Variants in SEC23B observed in about 807,000 individuals in gnomAD.
SEC23B encodes protein transport protein Sec23B.
Under a neutral mutation model 104.3 loss-of-function variants are expected in SEC23B, and 77 were observed. The ratio of observed to expected loss-of-function variants is 0.74; its 90% CI spans 0.61 to 0.89. The LOEUF (loss-of-function observed/expected upper bound fraction) is 0.89. Ranked by LOEUF, SEC23B falls within the 40% of genes least tolerant of loss-of-function variation. The probability of loss-of-function intolerance (pLI) is 0.00; values close to 1 mark genes in which losing one functional copy is unlikely to be tolerated. For missense variants in SEC23B, 885 were observed against 949.4 expected (o/e 0.93, Z 0.89); for synonymous variants, 338 against 332.5 (o/e 1.02, Z -0.18).
intron 13 of SEC23B, 54 bp downstream of exon 13, chr20:18,542,456 G>C: frequency 1.4e-6 from 2 of 1,425,188 alleles, no homozygotes; most frequent in Non-Finnish European, 2.0e-6. Context: ...TTTTTCCCTT[G>C]AAGAGATACT....
intron 3 of SEC23B, among the ~76,000 whole-genome samples, chr20:18,513,324 G>A (rs1330205500): frequency 6.6e-6 from 1 of 151,526 alleles, no homozygotes; most frequent in South Asian, 2.1e-4. Context: ...CTTCAGCCTG[G>A]CAACACAGCA....
At chr20:18,552,164 G>A (rs1429960393) in intron 17 of SEC23B, among the ~76,000 whole-genome samples, 1 of 152,206 alleles carries the variant, frequency 6.6e-6, no homozygotes, top group East Asian at 1.9e-4. Flanking sequence ...TATTGATTTG[G>A]TTTCCTAATG....
At chr20:18,529,656 T>C (rs1385203335) in intron 9 of SEC23B, among the ~76,000 whole-genome samples, 2 of 152,168 alleles carry the variant, frequency 1.3e-5, no homozygotes, top group Non-Finnish European at 2.9e-5. Flanking sequence ...CAGAGAAGGA[T>C]TGCTCTTCCT....
Position 18,532,738 on chromosome 20 carries a change from A to G in SEC23B, c.1308A>G (p.Ser436=). ...TGAATGTGAAAGGACCGTGTGTGTC[A>G]GAAAATGTAAGGAAAACAACTCCAT... is the stretch of plus-strand genomic sequence containing the variant. ...VSLNVKGPCV[S]ENELGVGGTS... The change falls in exon 11 of 20, where the codon TCA becomes TCG. Residue 436 remains serine, a synonymous_variant. Coordinates refer to ENST00000650089, the MANE Select transcript of SEC23B (RefSeq NM_006363.6). 4.3e-6 allele frequency: 7 copies of G among 1,612,312 alleles called. No homozygotes were observed. Among genetic ancestry groups the G allele is most frequent in the Non-Finnish European group, 5.9e-6 (7 of 1,178,242 alleles).
At position 18,548,693 on chromosome 20, in the gene SEC23B, GC is replaced by G; in HGVS notation, c.1831del (p.Arg611GlyfsTer4). On this transcript the variant is annotated frameshift_variant, in exon 16 of 20. Coordinates refer to ENST00000650089, the MANE Select transcript of SEC23B (RefSeq NM_006363.6). LOFTEE classifies it high-confidence loss of function. The stretch of plus-strand genomic sequence containing the variant: ...GTCGTCATATTACAGACATCATTTT[GC>G]CCGGCAGGACCTGACCCAGTCCCTC... ...DESSYYRHHF[A>X]RQDLTQSLIM... The G allele has an allele frequency of 4.3e-6, 7 of 1,614,080 alleles. No homozygotes were observed. The highest frequency in any genetic ancestry group is 5.9e-6 in the Non-Finnish European group (7 of 1,180,012).
chr20:18,557,745 C>CTTTTTTTTTTTT (rs11477198), intron 19 of SEC23B, among the ~76,000 whole-genome samples: 138 of 116,796 alleles, frequency 1.2e-3, no homozygotes, highest in East Asian at 1.5e-3. Flanking sequence ...TTTTTCTTTT[C>CTTTTTTTTTTTT]TTTTTTTTTT....
chr20:18,548,592 G>A lies in SEC23B; in HGVS notation c.1744-17G>A, dbSNP rs533554185. 1.6e-4 allele frequency: 251 copies of A among 1,612,220 alleles called. 3 individuals are homozygous for A. In the South Asian group the frequency reaches 2.4e-3, roughly 16 times the overall value. Reference sequence around the variant, plus strand: ...TACAATTATATGCATTTCTCTTTCCGTTCTTTGTGAATGCAGTTTATGTTC... The same window carrying A: ...TACAATTATATGCATTTCTCTTTCCATTCTTTGTGAATGCAGTTTATGTTC... On this transcript the variant is annotated splice_polypyrimidine_tract_variant and intron_variant, in intron 15 of 19. Coordinates refer to ENST00000650089, the MANE Select transcript of SEC23B (RefSeq NM_006363.6).
chr20:18,550,184 G>A, intron 16 of SEC23B, among the ~76,000 whole-genome samples: 1 of 144,516 alleles, frequency 6.9e-6, no homozygotes. Flanking sequence ...TTTGAGATGG[G>A]GTGTCTGTCA....
In SEC23B at chr20:18,510,911, TCCAGCCGGCTGGAGG is replaced by T; in HGVS notation, c.78_92del (p.Ser27_Ala31del). On this transcript the variant is annotated inframe_deletion, in exon 2 of 20. Transcript: ENST00000650089. ...GCGTTTTAGTTGGAACGTGTGGCCT[TCCAGCCGGCTGGAGG>T]CTACAAGAATGGTTGTACCCCTGGC... is the stretch of plus-strand genomic sequence containing the variant. 1 of 1,614,162 alleles carries T rather than the reference TCCAGCCGGCTGGAGG, an allele frequency of 6.2e-7. No individual in the cohort carries two copies.
At chr20:18,557,059 C>T (rs531598872) in intron 19 of SEC23B, among the ~76,000 whole-genome samples, 8 of 152,308 alleles carry the variant, frequency 5.3e-5, no homozygotes, top group Admixed American at 5.2e-4. Context: ...TTTTAATGCA[C>T]TCTGCTGAGC....
At position 18,561,030 on chromosome 20, in the gene SEC23B, G is replaced by T. The variant is rs2060487506; in HGVS notation, c.*290G>T. ...CAGAGGTAATGTATTTTGGCAGCTT[G>T]TTTAGGTGAGAATCTTAATGATCAT... On this transcript the variant is annotated 3_prime_UTR_variant, in exon 20 of 20. Transcript: ENST00000650089. 1 of 389,024 alleles carries T rather than the reference G, an allele frequency of 2.6e-6. No individual in the cohort carries two copies. Among genetic ancestry groups the T allele is most frequent in the African/African-American group, 2.1e-5 (1 of 48,092 alleles). The allele number at this position is 389,024 out of a possible 1,614,324, so 24.1% of individuals were successfully genotyped here.
intron 4 of SEC23B, among the ~76,000 whole-genome samples, chr20:18,518,762 G>A (rs555210490): frequency 5.3e-5 from 8 of 152,170 alleles, no homozygotes; most frequent in South Asian, 2.1e-4. Context: ...CAGCAGAAGC[G>A]TTGCCCTGGG....
intron 4 of SEC23B, among the ~76,000 whole-genome samples, chr20:18,519,280 G>A (rs1244861399): frequency 6.6e-6 from 1 of 152,258 alleles, no homozygotes; most frequent in East Asian, 1.9e-4. Flanking sequence ...ATTGAAGTGC[G>A]GGCCAGGAAC....
intron 4 of SEC23B, among the ~76,000 whole-genome samples, chr20:18,521,159 G>A (rs1004577277): frequency 1.3e-5 from 2 of 152,206 alleles, no homozygotes; most frequent in African/African-American, 4.8e-5. Context: ...TTGTCTCACA[G>A]TGGAGGCAAT....
intron 9 of SEC23B, among the ~76,000 whole-genome samples, chr20:18,529,711 C>T (rs532627986): frequency 9.0e-4 from 137 of 152,324 alleles, no homozygotes; most frequent in African/African-American, 3.1e-3. Context: ...ATAGTCAGAA[C>T]GCACATGCCA....
chr20:18,549,575 A>G (rs2060366721), intron 16 of SEC23B, among the ~76,000 whole-genome samples: 1 of 152,222 alleles, frequency 6.6e-6, no homozygotes. Flanking sequence ...GTCCTTATGT[A>G]AAAATGTTAC....
At chr20:18,529,238 A>G (rs919315383) in intron 9 of SEC23B, among the ~76,000 whole-genome samples, 1 of 152,232 alleles carries the variant, frequency 6.6e-6, no homozygotes, top group Non-Finnish European at 1.5e-5. Flanking sequence ...GTATGTGACC[A>G]AAGAGTGGAA....
At chr20:18,538,663 G>A (rs2060259193) in intron 12 of SEC23B, among the ~76,000 whole-genome samples, 1 of 152,184 alleles carries the variant, frequency 6.6e-6, no homozygotes, top group South Asian at 2.1e-4. Context: ...TTTACCCACA[G>A]TAGAACTTCT....
chr20:18,515,569 T>A, intron 3 of SEC23B, 81 bp from the exon 4 acceptor site: 1 of 831,254 alleles, frequency 1.2e-6, no homozygotes, highest in South Asian at 1.4e-5. Flanking sequence ...CGTCTTGGCA[T>A]CATTATCATT....
Sources: gnomAD v4.1 joint callset for allele counts (sites outside exome capture counted in the v4.1 genomes callset) on GRCh38, gnomAD v4.1.1 for gene constraint, MANE v1.5 for transcripts, NCBI Gene and HGNC (gene_info 2026-07-23, HGNC 2026-07-21) for gene names.